The following KCNIP1 variants were observed in gnomAD, a reference collection of about 807,000 sequenced individuals.
KCNIP1 encodes the protein potassium voltage-gated channel interacting protein 1.
Under a neutral mutation model 33.0 loss-of-function variants are expected in KCNIP1, and 18 were observed. The observed-to-expected ratio is 0.55, with a 90% confidence interval of 0.38 to 0.81. The LOEUF (loss-of-function observed/expected upper bound fraction) is 0.81, where lower values mean the gene tolerates loss of function less well. KCNIP1 is among the 30% of genes least tolerant of loss of function. The pLI, the probability that KCNIP1 is intolerant of heterozygous loss-of-function variation, is 0.00. For synonymous variants in KCNIP1, 93 were observed against 98.3 expected (o/e 0.95, Z 0.32); for missense variants, 238 against 271.6 (o/e 0.88, Z 0.87).
intron 1 of KCNIP1, among the ~76,000 whole-genome samples, chr5:170,718,412 G>A (rs577357697): frequency 3.3e-5 from 5 of 152,176 alleles, no homozygotes; most frequent in African/African-American, 1.2e-4. Context: ...CTGTGTCTCT[G>A]GAATATTCAG....
chr5:170,687,529 T>C (rs1332893600), intron 1 of KCNIP1, among the ~76,000 whole-genome samples: 6 of 152,234 alleles, frequency 3.9e-5, no homozygotes, highest in Non-Finnish European at 7.3e-5. Context: ...TAACATAGCA[T>C]ACAGGCTTTA....
At chr5:170,457,016 A>G (rs1756398060) in intron 1 of KCNIP1, among the ~76,000 whole-genome samples, 1 of 152,146 alleles carries the variant, frequency 6.6e-6, no homozygotes, top group Admixed American at 6.5e-5. Context: ...GGTTATTTCA[A>G]AAGATGAGCA....
intron 1 of KCNIP1, among the ~76,000 whole-genome samples, chr5:170,455,695 T>A (rs886659869): frequency 1.3e-5 from 2 of 152,192 alleles, no homozygotes; most frequent in Non-Finnish European, 2.9e-5. Context: ...AAGTAACCAA[T>A]TGGTTGAAGA....
intron 1 of KCNIP1, among the ~76,000 whole-genome samples, chr5:170,441,542 G>A (rs918165385): frequency 6.6e-6 from 1 of 152,150 alleles, no homozygotes; most frequent in African/African-American, 2.4e-5. Flanking sequence ...AGGGACTCAG[G>A]TGCGAGACTG....
intron 1 of KCNIP1, among the ~76,000 whole-genome samples, chr5:170,624,504 A>G (rs569601378): frequency 9.9e-4 from 150 of 152,118 alleles, no homozygotes; most frequent in African/African-American, 3.4e-3. Context: ...CAATCATTTT[A>G]CAACATCTCT....
chr5:170,543,806 A>T (rs1393454739), intron 1 of KCNIP1, among the ~76,000 whole-genome samples: 3 of 152,186 alleles, frequency 2.0e-5, no homozygotes, highest in Non-Finnish European at 4.4e-5. Context: ...ATCCAACAAT[A>T]CTTTTGCTAT....
intron 1 of KCNIP1, among the ~76,000 whole-genome samples, chr5:170,426,247 T>TCA (rs143211356): frequency 0.071 from 10,665 of 149,210 alleles, 418 homozygotes; most frequent in Admixed American, 0.12. Flanking sequence ...TCAAAAGGAA[T>TCA]CACACACACA....
intron 1 of KCNIP1, among the ~76,000 whole-genome samples, chr5:170,399,713 GC>G (rs1754848067): frequency 6.6e-6 from 1 of 152,100 alleles, no homozygotes; most frequent in South Asian, 2.1e-4. Context: ...ATGTAATATT[GC>G]TTTTCAAAAT....
rs868723683 is a variant in KCNIP1, at chr5:170,735,876, C to A, written c.*70C>A. On this transcript the variant is annotated 3_prime_UTR_variant, in exon 8 of 8. Coordinates refer to ENST00000328939, the MANE Select transcript of KCNIP1 (RefSeq NM_014592.4). ...CAACCACCTTAACACCCTGATCTGC[C>A]CTTGTTCTGATTTTACACACCAACT... 8.1e-6 allele frequency: 11 copies of A among 1,352,858 alleles called. No individual in the cohort carries two copies. Among genetic ancestry groups the A allele is most frequent in the Middle Eastern group, 1.8e-4 (1 of 5,560 alleles). 83.8% of individuals were successfully genotyped at this position (1,352,858 alleles called of 1,614,324 possible).
At chr5:170,494,069 C>T (rs1757263646) in intron 1 of KCNIP1, among the ~76,000 whole-genome samples, 1 of 152,210 alleles carries the variant, frequency 6.6e-6, no homozygotes, top group Non-Finnish European at 1.5e-5. Context: ...GTGTGGGAAC[C>T]AGGTGAGAAG....
chr5:170,524,015 C>T (rs1458467397), intron 1 of KCNIP1, among the ~76,000 whole-genome samples: 2 of 152,212 alleles, frequency 1.3e-5, no homozygotes, highest in Admixed American at 6.5e-5. Flanking sequence ...CCCAGTCCTC[C>T]GGCACAGCCC....
chr5:170,720,079 AC>A (rs1763766269), intron 2 of KCNIP1, among the ~76,000 whole-genome samples: 1 of 152,148 alleles, frequency 6.6e-6, no homozygotes, highest in Non-Finnish European at 1.5e-5. Context: ...CAGGATTTAA[AC>A]CCAGGTTTTT....
chr5:170,731,426 G>A (rs2113894764), intron 5 of KCNIP1, among the ~76,000 whole-genome samples: 1 of 152,280 alleles, frequency 6.6e-6, no homozygotes, highest in East Asian at 1.9e-4. Flanking sequence ...ACTCAGGCTG[G>A]GCATGGTGGC....
At chr5:170,416,813 C>A (rs1217936217) in intron 1 of KCNIP1, among the ~76,000 whole-genome samples, 1 of 152,154 alleles carries the variant, frequency 6.6e-6, no homozygotes, top group Non-Finnish European at 1.5e-5. Context: ...TTATTATCAT[C>A]CCCATTTTAC....
intron 1 of KCNIP1, among the ~76,000 whole-genome samples, chr5:170,415,820 G>A (rs1162391371): frequency 2.0e-5 from 3 of 152,162 alleles, no homozygotes; most frequent in Non-Finnish European, 4.4e-5. Flanking sequence ...ATAAAGGTGA[G>A]GACGAGGTGA....
chr5:170,665,380 A>G (rs1376538526), intron 1 of KCNIP1, among the ~76,000 whole-genome samples: 1 of 152,000 alleles, frequency 6.6e-6, no homozygotes, highest in Non-Finnish European at 1.5e-5. Context: ...GGGTTAAGCC[A>G]TTTCTCCAGC....
At chr5:170,477,442 T>C (rs1756883061) in intron 1 of KCNIP1, among the ~76,000 whole-genome samples, 1 of 152,042 alleles carries the variant, frequency 6.6e-6, no homozygotes, top group Non-Finnish European at 1.5e-5. Flanking sequence ...TTTTGTTTTG[T>C]TTATTTGTTT....
chr5:170,555,816 G>A (rs1281701171), intron 1 of KCNIP1, among the ~76,000 whole-genome samples: 3 of 152,216 alleles, frequency 2.0e-5, no homozygotes, highest in Non-Finnish European at 2.9e-5. Context: ...CTCGGGAATG[G>A]TGACGTATCT....
At position 170,504,601 on chromosome 5, in the gene KCNIP1, C is replaced by T; in HGVS notation, c.29C>T (p.Ser10Phe). Residue 10 changes from serine to phenylalanine, a missense_variant, in exon 1 of 8, where the codon TCT becomes TTT. Transcript: ENST00000328939. This position sits in a 1 kb window ranked among gnomAD's most constrained non-coding sequence, Gnocchi z 6.0. Reference protein sequence around the residue: MGAVMGTFSSLQTKQRRPSK... With the variant: MGAVMGTFSFLQTKQRRPSK... ...GGGGCCGTCATGGGCACCTTCTCAT[C>T]TCTGCAAACCAAACAAAGGCGACCC... 1 of 1,613,930 alleles carries T rather than the reference C, an allele frequency of 6.2e-7. No individual in the cohort carries two copies. The highest frequency in any genetic ancestry group is 1.3e-5 in the African/African-American group (1 of 75,064).
Sources: gnomAD v4.1 joint callset for allele counts (sites outside exome capture counted in the v4.1 genomes callset) on GRCh38, gnomAD v4.1.1 for gene constraint, Gnocchi (gnomAD v3.1) non-coding constraint, MANE v1.5 for transcripts, NCBI Gene and HGNC (gene_info 2026-07-23, HGNC 2026-07-21) for gene names.